The following ANKRD6 variants were observed in gnomAD, a reference collection of about 807,000 sequenced individuals.
ANKRD6 encodes ankyrin repeat domain-containing protein 6.
Under a neutral mutation model 82.3 loss-of-function variants are expected in ANKRD6, and 56 were observed. The ratio of observed to expected loss-of-function variants is 0.68; its 90% CI spans 0.55 to 0.85. The LOEUF (loss-of-function observed/expected upper bound fraction) is 0.85. Ranked by LOEUF, ANKRD6 falls within the 40% of genes least tolerant of loss-of-function variation. The pLI, the probability that ANKRD6 is intolerant of heterozygous loss-of-function variation, is 0.00. For synonymous variants in ANKRD6, 347 were observed against 352.1 expected, an observed-to-expected ratio of 0.99 and a Z score of 0.16; for missense variants, 852 against 907.6, an observed-to-expected ratio of 0.94 and a Z score of 0.79.
At chr6:89,446,879 C>T (rs1296275020) in intron 1 of ANKRD6, among the ~76,000 whole-genome samples, 1 of 152,084 alleles carries the variant, frequency 6.6e-6, no homozygotes. Flanking sequence ...GGCTTTTCCC[C>T]CTTTTGATTG....
chr6:89,606,726 C>T (rs755588685), intron 5 of ANKRD6, among the ~76,000 whole-genome samples: 65 of 151,644 alleles, frequency 4.3e-4, no homozygotes, highest in African/African-American at 1.2e-3. Context: ...AATGGTGGCT[C>T]ATGCCTGTAG....
intron 1 of ANKRD6, among the ~76,000 whole-genome samples, chr6:89,526,404 T>C (rs1489643452): frequency 6.6e-6 from 1 of 152,166 alleles, no homozygotes; most frequent in Admixed American, 6.6e-5. Flanking sequence ...ATCTATGAAC[T>C]CTCAAGAAAG....
chr6:89,436,939 A>T (rs1770710801), intron 1 of ANKRD6, among the ~76,000 whole-genome samples: 2 of 152,132 alleles, frequency 1.3e-5, no homozygotes, highest in Non-Finnish European at 2.9e-5. Context: ...TGTCTGCATT[A>T]TTTACTGGTG....
At chr6:89,508,451 C>T (rs184106576) in intron 1 of ANKRD6, among the ~76,000 whole-genome samples, 2 of 152,302 alleles carry the variant, frequency 1.3e-5, no homozygotes, top group East Asian at 3.9e-4. Context: ...CATAGCATCC[C>T]AGCCAGGGCA....
chr6:89,469,145 A>G (rs915432981), intron 1 of ANKRD6, among the ~76,000 whole-genome samples: 1 of 152,234 alleles, frequency 6.6e-6, no homozygotes, highest in Admixed American at 6.5e-5. Context: ...TTAATGGAAA[A>G]TATTAACAGC....
intron 1 of ANKRD6, among the ~76,000 whole-genome samples, chr6:89,475,826 A>G (rs924511690): frequency 1.3e-5 from 2 of 152,250 alleles, no homozygotes; most frequent in African/African-American, 4.8e-5. Context: ...ACCCATGTGC[A>G]CATCCACCCA....
intron 2 of ANKRD6, among the ~76,000 whole-genome samples, chr6:89,579,639 C>G (rs1371859019): frequency 6.6e-6 from 1 of 151,182 alleles, no homozygotes; most frequent in Non-Finnish European, 1.5e-5. Context: ...CGCCTGTAAT[C>G]CCAGCTACTT....
In ANKRD6 at chr6:89,624,682, C is replaced by T. The variant is rs1318998931; in HGVS notation, c.1362C>T (p.Thr454=). The change falls in exon 13 of 16, where the codon ACC becomes ACT. Residue 454 remains threonine, a synonymous_variant. Coordinates refer to ENST00000339746, the MANE Select transcript of ANKRD6 (RefSeq NM_001242809.2). The part of the protein sequence containing the change: ...NTKLGQMENK[T]QHQMRVLDKL... ...AGCTGGGGCAGATGGAGAATAAGAC[C>T]CAGCACCAAGTATGTCATAAGGCCC... 6.2e-7 allele frequency: 1 copy of T among 1,604,196 alleles called. No individual in the cohort carries two copies. The highest frequency in any genetic ancestry group is 8.5e-7 in the Non-Finnish European group (1 of 1,175,372).
intron 1 of ANKRD6, among the ~76,000 whole-genome samples, chr6:89,504,134 C>T (rs1438138484): frequency 2.5e-5 from 2 of 78,952 alleles, no homozygotes; most frequent in Non-Finnish European, 4.8e-5. Flanking sequence ...GTGTGGGGGG[C>T]GGGGGGTGGG....
At chr6:89,458,988 G>A (rs186241316) in intron 1 of ANKRD6, among the ~76,000 whole-genome samples, 69 of 152,356 alleles carry the variant, frequency 4.5e-4, no homozygotes, top group Admixed American at 1.8e-3. Context: ...ACCTTGGGCA[G>A]TGTGGAGGGG....
chr6:89,552,273 C>G (rs983601379), intron 1 of ANKRD6, among the ~76,000 whole-genome samples: 1 of 152,190 alleles, frequency 6.6e-6, no homozygotes, highest in African/African-American at 2.4e-5. Context: ...TCAGAGTCCA[C>G]CAGGTTAGAG....
At chr6:89,623,634 G>A in intron 11 of ANKRD6, 90 bp downstream of exon 11, 1 of 1,496,960 alleles carries the variant, frequency 6.7e-7, no homozygotes, top group Non-Finnish European at 8.9e-7. Flanking sequence ...CAGCTAAAAA[G>A]CCACTCACTT....
chr6:89,563,088 G>A (rs867947010), intron 1 of ANKRD6, among the ~76,000 whole-genome samples: 7 of 152,194 alleles, frequency 4.6e-5, no homozygotes, highest in East Asian at 1.9e-4. Flanking sequence ...GAGACAGAAC[G>A]TAGTGGCTTT....
At chr6:89,548,726 C>G (rs1785425259) in intron 1 of ANKRD6, among the ~76,000 whole-genome samples, 2 of 152,182 alleles carry the variant, frequency 1.3e-5, no homozygotes, top group South Asian at 4.1e-4. Flanking sequence ...GAGGCTTCTC[C>G]TTTGGAGCTT....
rs150271890 is a variant in ANKRD6, at chr6:89,614,573, G to A, written c.615+683G>A. Among the ~76,000 whole-genome samples the A allele has an allele frequency of 6.8e-3, 1,028 of 152,248 alleles. 13 individuals carry two copies. The highest frequency in any genetic ancestry group is 0.022 in the African/African-American group (930 of 41,532). On this transcript the variant is annotated intron_variant, in intron 7 of 15. Coordinates refer to ENST00000339746, the MANE Select transcript of ANKRD6 (RefSeq NM_001242809.2). ...AGGCAGGAGAATTGCCTGAACCCAG[G>A]AGGCAGAGGTTGCAGTGAACCGAGA...
chr6:89,573,656 A>G (rs754569991), intron 2 of ANKRD6, among the ~76,000 whole-genome samples: 58 of 152,214 alleles, frequency 3.8e-4, no homozygotes, highest in Non-Finnish European at 7.2e-4. Context: ...GAGAGTCTGC[A>G]TGTCTGAAAC....
chr6:89,563,184 T>C (rs1787738091), intron 1 of ANKRD6, among the ~76,000 whole-genome samples: 1 of 152,224 alleles, frequency 6.6e-6, no homozygotes, highest in Non-Finnish European at 1.5e-5. Flanking sequence ...TAGACCTTTT[T>C]CTGTAAAAAG....
chr6:89,616,113 A>G (rs1278929564), intron 7 of ANKRD6, among the ~76,000 whole-genome samples: 7 of 152,330 alleles, frequency 4.6e-5, no homozygotes, highest in Middle Eastern at 3.4e-3. Flanking sequence ...AGAAGTAGCC[A>G]TCTTCACGGC....
At chr6:89,580,583 A>G (rs1792292009) in intron 2 of ANKRD6, among the ~76,000 whole-genome samples, 1 of 151,966 alleles carries the variant, frequency 6.6e-6, no homozygotes, top group Non-Finnish European at 1.5e-5. Context: ...CTGCACCGAG[A>G]GGCTCTCCTG....
Sources: allele counts gnomAD v4.1 joint callset (sites outside exome capture counted in the v4.1 genomes callset), GRCh38; gene constraint gnomAD v4.1.1; transcripts MANE v1.5; gene names NCBI Gene and HGNC (gene_info 2026-07-23, HGNC 2026-07-21).